WNT7A: variants seen among roughly 807,000 people sequenced by gnomAD.
WNT7A encodes protein Wnt-7a.
Under a neutral mutation model 28.2 loss-of-function variants are expected in WNT7A, and 16 were observed. That is an observed-to-expected ratio of 0.57 (90% CI 0.38 to 0.86). WNT7A has a LOEUF of 0.86. Among genes scored for constraint, WNT7A ranks in the 40% least tolerant of loss-of-function variants. The pLI is 0.00. For missense variants in WNT7A, 411 were observed against 489.7 expected (o/e 0.84, Z 1.52); for synonymous variants, 190 against 195.9 (o/e 0.97, Z 0.25).
At chr3:13,846,123 G>A (rs1326022763) in intron 3 of WNT7A, among the ~76,000 whole-genome samples, 1 of 152,258 alleles carries the variant, frequency 6.6e-6, no homozygotes, top group Non-Finnish European at 1.5e-5. Flanking sequence ...GAAGGTGGTG[G>A]CTCAAGGACT....
At chr3:13,851,094 G>A (rs1184308369) in intron 3 of WNT7A, among the ~76,000 whole-genome samples, 2 of 151,996 alleles carry the variant, frequency 1.3e-5, no homozygotes, top group African/African-American at 2.4e-5. Flanking sequence ...TACCTATTAG[G>A]CTTCCTAAAC....
rs1694523335 is a variant in WNT7A, at chr3:13,845,392, A to G, written c.570+9140T>C. On this transcript the variant is annotated intron_variant, in intron 3 of 3. Coordinates refer to ENST00000285018, the MANE Select transcript of WNT7A (RefSeq NM_004625.4). ...CAGGTGGCTACCAAGCACTTGAAACATGGACTGTGAAATAGAATTTTTAAT... is the reference window on the plus strand; with the variant it reads ...CAGGTGGCTACCAAGCACTTGAAACGTGGACTGTGAAATAGAATTTTTAAT... Among the ~76,000 whole-genome samples, 3 of 152,232 alleles carry G rather than the reference A, an allele frequency of 2.0e-5. No homozygotes were observed. In the South Asian group the frequency reaches 6.2e-4, roughly 32 times the overall value.
At chr3:13,825,414 C>T (rs575828026) in intron 3 of WNT7A, among the ~76,000 whole-genome samples, 14 of 152,282 alleles carry the variant, frequency 9.2e-5, no homozygotes, top group South Asian at 8.3e-4. Context: ...CAAGGGAGGA[C>T]TTGCTTCATA....
intron 3 of WNT7A, among the ~76,000 whole-genome samples, chr3:13,852,498 G>C (rs1694654147): frequency 6.6e-6 from 1 of 152,206 alleles, no homozygotes; most frequent in African/African-American, 2.4e-5. Context: ...CTGGGGAACT[G>C]ACTGGCACCG....
intron 3 of WNT7A, among the ~76,000 whole-genome samples, chr3:13,823,483 C>G (rs1432033790): frequency 1.3e-5 from 2 of 152,140 alleles, no homozygotes; most frequent in African/African-American, 4.8e-5. Context: ...TCCCACAGGC[C>G]CTGCCAAGCT....
At chr3:13,828,694 T>C (rs901596204) in intron 3 of WNT7A, among the ~76,000 whole-genome samples, 2 of 152,062 alleles carry the variant, frequency 1.3e-5, no homozygotes, top group African/African-American at 4.8e-5. Flanking sequence ...GCTCGTTGAG[T>C]ATCTGCTGCT....
intron 3 of WNT7A, among the ~76,000 whole-genome samples, chr3:13,852,445 G>C (rs1694653483): frequency 6.6e-6 from 1 of 152,228 alleles, no homozygotes; most frequent in South Asian, 2.1e-4. Flanking sequence ...GGGCTTCTGG[G>C]GTGGGGTCCC....
At chr3:13,850,976 G>A (rs1394981403) in intron 3 of WNT7A, among the ~76,000 whole-genome samples, 1 of 152,030 alleles carries the variant, frequency 6.6e-6, no homozygotes, top group East Asian at 1.9e-4. Flanking sequence ...TGTGGCCCAG[G>A]CTCTCTCCTG....
At chr3:13,878,765 G>C (rs1695154104) in intron 1 of WNT7A, among the ~76,000 whole-genome samples, 1 of 152,156 alleles carries the variant, frequency 6.6e-6, no homozygotes, top group South Asian at 2.1e-4. Flanking sequence ...GGGTGTGTGA[G>C]ACCTACCAAG....
chr3:13,859,554 G>C (rs1425698015), intron 2 of WNT7A, among the ~76,000 whole-genome samples: 2 of 152,148 alleles, frequency 1.3e-5, no homozygotes, highest in African/African-American at 2.4e-5. Context: ...GGCCCTTATT[G>C]CTCCCTGCCA....
intron 1 of WNT7A, chr3:13,877,301 G>A (rs976621630): frequency 6.6e-6 from 1 of 152,310 alleles, no homozygotes; most frequent in African/African-American, 2.4e-5. Context: ...GGACCTGGAG[G>A]AAGGTTCTCA....
intron 3 of WNT7A, among the ~76,000 whole-genome samples, chr3:13,837,915 C>T (rs975696272): frequency 1.3e-5 from 2 of 152,310 alleles, no homozygotes; most frequent in African/African-American, 4.8e-5. Flanking sequence ...CCTGTGTTGG[C>T]GTCCAGCGTG....
intron 2 of WNT7A, among the ~76,000 whole-genome samples, chr3:13,868,700 G>GAA (rs1190403693): frequency 8.1e-4 from 71 of 87,884 alleles, no homozygotes; most frequent in African/African-American, 3.5e-3. Context: ...GAGAAAGAAA[G>GAA]AAAGAAAGAA....
intron 2 of WNT7A, among the ~76,000 whole-genome samples, chr3:13,862,325 A>C (rs1019963288): frequency 1.4e-4 from 21 of 152,254 alleles, no homozygotes; most frequent in Non-Finnish European, 4.4e-5. Context: ...AAGCCTGCCC[A>C]AAAGATTCCA....
chr3:13,878,569 G>T (rs993976802), intron 1 of WNT7A, among the ~76,000 whole-genome samples: 8 of 152,166 alleles, frequency 5.3e-5, no homozygotes, highest in Non-Finnish European at 1.0e-4. Flanking sequence ...ACCTGCTAGC[G>T]GCCGCGGCCG....
chr3:13,829,183 T>C (rs1694240768), intron 3 of WNT7A, among the ~76,000 whole-genome samples: 1 of 152,134 alleles, frequency 6.6e-6, no homozygotes, highest in Non-Finnish European at 1.5e-5. Context: ...AAGGTGACAA[T>C]GGCAGAATGG....
intron 2 of WNT7A, among the ~76,000 whole-genome samples, chr3:13,867,937 T>G (rs1694937472): frequency 6.6e-6 from 1 of 152,204 alleles, no homozygotes; most frequent in African/African-American, 2.4e-5. Context: ...AGCTGGCCAG[T>G]CCCAGTGTTG....
chr3:13,839,275 G>A (rs191176541), intron 3 of WNT7A, among the ~76,000 whole-genome samples: 2 of 152,284 alleles, frequency 1.3e-5, no homozygotes, highest in East Asian at 1.9e-4. Context: ...ACATGGAACC[G>A]GGAGCTGCAT....
chr3:13,820,536 T>C lies in WNT7A; in HGVS notation c.571-1113A>G, dbSNP rs138351228. On this transcript the variant is annotated intron_variant, in intron 3 of 3. Coordinates refer to ENST00000285018, the MANE Select transcript of WNT7A (RefSeq NM_004625.4). Reference sequence around the variant, plus strand: ...CCACTTAGTTCCCATGTGATGCTTCTTCTCCAGGTCTCAGTTTCCTTAACT... The same window carrying C: ...CCACTTAGTTCCCATGTGATGCTTCCTCTCCAGGTCTCAGTTTCCTTAACT... Among the ~76,000 whole-genome samples, 706 of 152,314 alleles carry C rather than the reference T, an allele frequency of 4.6e-3. 3 individuals carry two copies. Among genetic ancestry groups the C allele is most frequent in the African/African-American group, 0.013 (525 of 41,574 alleles).
Sources: gnomAD v4.1 joint callset for allele counts (sites outside exome capture counted in the v4.1 genomes callset) on GRCh38, gnomAD v4.1.1 for gene constraint, MANE v1.5 for transcripts, NCBI Gene and HGNC (gene_info 2026-07-23, HGNC 2026-07-21) for gene names.